The following NRXN1 variants were observed in gnomAD, a reference collection of about 807,000 sequenced individuals.
NRXN1 encodes the protein neurexin 1.
NRXN1 carries 39 observed loss-of-function variants against 150.9 expected under a neutral mutation model. That is an observed-to-expected ratio of 0.26 (90% CI 0.20 to 0.34). The LOEUF (loss-of-function observed/expected upper bound fraction) is 0.34, where lower values mean the gene tolerates loss of function less well. Among genes scored for constraint, NRXN1 ranks in the 10% least tolerant of loss-of-function variants. The pLI, the probability that NRXN1 is intolerant of heterozygous loss-of-function variation, is 1.00. For missense variants in NRXN1, 1,815 were observed against 1,949.9 expected (o/e 0.93, Z 1.30); for synonymous variants, 924 against 757.0 (o/e 1.22, Z -3.62).
At chr2:50,447,321 A>C (rs2086505856) in intron 17 of NRXN1, among the ~76,000 whole-genome samples, 2 of 151,632 alleles carry the variant, frequency 1.3e-5, no homozygotes, top group Admixed American at 6.6e-5. Flanking sequence ...TATTAATAAA[A>C]ATACATAAAT....
chr2:50,716,505 T>C (rs1008337211), intron 5 of NRXN1, among the ~76,000 whole-genome samples: 2 of 152,128 alleles, frequency 1.3e-5, no homozygotes, highest in Non-Finnish European at 2.9e-5. Flanking sequence ...ACAGTCCACA[T>C]TTCAAATAAG....
intron 8 of NRXN1, among the ~76,000 whole-genome samples, chr2:50,591,389 T>C (rs1674187380): frequency 9.2e-6 from 1 of 108,844 alleles, no homozygotes; most frequent in African/African-American, 3.7e-5. Context: ...ATCAGATAGA[T>C]AGATAGATAG....
intron 21 of NRXN1, among the ~76,000 whole-genome samples, chr2:50,001,494 C>A (rs1543823): frequency 0.37 from 55,923 of 151,788 alleles, 10,745 homozygotes; most frequent in East Asian, 0.5. Flanking sequence ...CAGTGAGCCA[C>A]AGAATGTGTT....
At position 50,696,240 on chromosome 2, in the gene NRXN1, C is replaced by G. The variant is rs1574137544; in HGVS notation, c.833-72625G>C. The G allele has an allele frequency of 3.9e-5, 6 of 152,336 alleles. No individual in the cohort carries two copies. The South Asian group carries it at 1.2e-3, about 32-fold the overall frequency. 9.4% of individuals were successfully genotyped at this position (152,336 alleles called of 1,614,324 possible). A position where few individuals can be genotyped will look rare whatever the true frequency, so the allele number is the denominator to read the frequency against. On this transcript the variant is annotated intron_variant, in intron 5 of 22. Transcript: ENST00000401669. ...TGTATACACATATGCTATATACACA[C>G]ACACACACACGTATATCACAGAACT...
At chr2:50,686,556 G>A (rs1416235058) in intron 5 of NRXN1, among the ~76,000 whole-genome samples, 1 of 152,064 alleles carries the variant, frequency 6.6e-6, no homozygotes, top group Non-Finnish European at 1.5e-5. Context: ...TTAATAAATG[G>A]AAGCAATTTA....
At chr2:50,035,289 T>C (rs1262433954) in intron 21 of NRXN1, among the ~76,000 whole-genome samples, 4 of 152,164 alleles carry the variant, frequency 2.6e-5, no homozygotes, top group Non-Finnish European at 4.4e-5. Context: ...TAAACTATCA[T>C]GTTTTCTAAT....
intron 15 of NRXN1, among the ~76,000 whole-genome samples, chr2:50,474,478 C>T (rs1371487389): frequency 1.3e-5 from 2 of 151,576 alleles, no homozygotes; most frequent in Non-Finnish European, 2.9e-5. Context: ...TGGTGAATCT[C>T]AAAACCTCAG....
chr2:50,294,580 T>C (rs1484433159), intron 17 of NRXN1, among the ~76,000 whole-genome samples: 2 of 152,138 alleles, frequency 1.3e-5, no homozygotes, highest in African/African-American at 2.4e-5. Context: ...AAATCAGCGA[T>C]ACAACAAAGC....
chr2:50,824,810 T>C (rs144542981), intron 5 of NRXN1, among the ~76,000 whole-genome samples: 7 of 152,190 alleles, frequency 4.6e-5, no homozygotes, highest in South Asian at 2.1e-4. Context: ...CCTCAGAAAT[T>C]AGAATTTGGT....
At chr2:50,896,188 C>G (rs1681923875) in intron 5 of NRXN1, among the ~76,000 whole-genome samples, 1 of 152,072 alleles carries the variant, frequency 6.6e-6, no homozygotes, top group African/African-American at 2.4e-5. Flanking sequence ...TTCATCTGGT[C>G]TCTAAATCAC....
chr2:50,119,771 T>TA (rs576310116), intron 18 of NRXN1, among the ~76,000 whole-genome samples: 41 of 152,316 alleles, frequency 2.7e-4, no homozygotes, highest in Non-Finnish European at 4.7e-4. Context: ...CTGCCACACC[T>TA]AAACTATCTG....
intron 9 of NRXN1, among the ~76,000 whole-genome samples, chr2:50,543,580 T>A (rs771850182): frequency 5.9e-5 from 9 of 152,120 alleles, no homozygotes; most frequent in Non-Finnish European, 1.2e-4. Context: ...AGAATATTCA[T>A]AAACAAGTAA....
chr2:50,111,464 C>A (rs1167327357), intron 18 of NRXN1, among the ~76,000 whole-genome samples: 1 of 151,932 alleles, frequency 6.6e-6, no homozygotes, highest in Non-Finnish European at 1.5e-5. Flanking sequence ...CACGGTGAAA[C>A]CCCTTCTCTA....
intron 8 of NRXN1, among the ~76,000 whole-genome samples, chr2:50,592,785 T>G (rs1371045528): frequency 6.6e-6 from 1 of 152,162 alleles, no homozygotes; most frequent in Non-Finnish European, 1.5e-5. Flanking sequence ...AACCCTTGTG[T>G]ATAGTTTGAG....
intron 5 of NRXN1, among the ~76,000 whole-genome samples, chr2:50,809,010 C>T (rs1667871397): frequency 6.6e-6 from 1 of 152,038 alleles, no homozygotes; most frequent in South Asian, 2.1e-4. Context: ...TTCATAATGT[C>T]TCTGGCCTGG....
intron 21 of NRXN1, chr2:49,972,726 C>T (rs1275539370): frequency 2.6e-5 from 4 of 152,054 alleles, no homozygotes; most frequent in South Asian, 2.1e-4. Context: ...CTTTATGAAG[C>T]GAGGGCTATC....
chr2:50,122,860 T>C (rs1278842708), intron 18 of NRXN1, among the ~76,000 whole-genome samples: 1 of 152,206 alleles, frequency 6.6e-6, no homozygotes, highest in Non-Finnish European at 1.5e-5. Flanking sequence ...GAGGAATTCA[T>C]TTATTCACTC....
chr2:50,230,048 A>C (rs1373949288), intron 18 of NRXN1, among the ~76,000 whole-genome samples: 1 of 152,086 alleles, frequency 6.6e-6, no homozygotes, highest in Non-Finnish European at 1.5e-5. Flanking sequence ...GAGCAGAATC[A>C]ATGGACATGA....
At chr2:50,140,319 G>A (rs1707082770) in intron 18 of NRXN1, among the ~76,000 whole-genome samples, 1 of 152,062 alleles carries the variant, frequency 6.6e-6, no homozygotes, top group Non-Finnish European at 1.5e-5. Context: ...CTCAGCTTGT[G>A]ACCAAGAATT....
Sources: gnomAD v4.1 joint callset for allele counts (sites outside exome capture counted in the v4.1 genomes callset) on GRCh38, gnomAD v4.1.1 for gene constraint, MANE v1.5 for transcripts, NCBI Gene and HGNC (gene_info 2026-07-23, HGNC 2026-07-21) for gene names.